ARHGAP12: variants seen among roughly 807,000 people sequenced by gnomAD.
ARHGAP12 encodes Rho GTPase activating protein 12.
ARHGAP12 carries 64 observed loss-of-function variants against 108.6 expected under a neutral mutation model. The ratio of observed to expected loss-of-function variants is 0.59; its 90% CI spans 0.48 to 0.73. The LOEUF (loss-of-function observed/expected upper bound fraction) is 0.73, where lower values mean the gene tolerates loss of function less well. ARHGAP12 is among the 30% of genes least tolerant of loss of function. The pLI, the probability that ARHGAP12 is intolerant of heterozygous loss-of-function variation, is 0.00. For synonymous variants in ARHGAP12, 312 were observed against 337.2 expected, an observed-to-expected ratio of 0.93 and a Z score of 0.82; for missense variants, 940 against 1,005.9, an observed-to-expected ratio of 0.93 and a Z score of 0.89.
At chr10:31,821,508 G>T (rs963570283) in intron 11 of ARHGAP12, among the ~76,000 whole-genome samples, 5 of 152,084 alleles carry the variant, frequency 3.3e-5, no homozygotes, top group Admixed American at 3.3e-4. Flanking sequence ...TTCCTACAGA[G>T]AATTTCATTT....
In ARHGAP12 at chr10:31,896,244, T is replaced by A. The variant is rs1047832825; in HGVS notation, c.684+11928A>T. Among the ~76,000 whole-genome samples the A allele has an allele frequency of 2.3e-4, 34 of 145,728 alleles. 1 individual carries two copies. Among genetic ancestry groups the A allele is most frequent in the African/African-American group, 7.3e-4 (29 of 39,592 alleles). ...CCAAGAACTTAAAGTATAATAAAAA[T>A]ATATATATAAATAAAATAAAATAAT... On this transcript the variant is annotated intron_variant, in intron 3 of 19. Coordinates refer to ENST00000344936, the MANE Select transcript of ARHGAP12 (RefSeq NM_018287.7).
chr10:31,871,958 C>T (rs1837557650), intron 3 of ARHGAP12, among the ~76,000 whole-genome samples: 1 of 152,262 alleles, frequency 6.6e-6, no homozygotes, highest in Non-Finnish European at 1.5e-5. Flanking sequence ...TCTTTCATGC[C>T]CTCACGCTCA....
chr10:31,873,649 T>C (rs1475098890), intron 3 of ARHGAP12, among the ~76,000 whole-genome samples: 2 of 152,260 alleles, frequency 1.3e-5, no homozygotes, highest in African/African-American at 4.8e-5. Context: ...TAGAAACAAA[T>C]GAATAAACCA....
In ARHGAP12 at chr10:31,891,872, T is replaced by C. The variant is rs557405342; in HGVS notation, c.684+16300A>G. On this transcript the variant is annotated intron_variant, in intron 3 of 19. Transcript: ENST00000344936. ...ATACCTCTTCTTCCAGCTGATCGAATTGGATACTAAAGCTTGTGCATTCGT... is the reference window on the plus strand; with the variant it reads ...ATACCTCTTCTTCCAGCTGATCGAACTGGATACTAAAGCTTGTGCATTCGT... 3.0e-4 allele frequency among the ~76,000 whole-genome samples: 46 copies of C among 152,350 alleles called. 1 individual carries two copies. The South Asian group carries it at 6.4e-3, about 21-fold the overall frequency.
intron 3 of ARHGAP12, among the ~76,000 whole-genome samples, chr10:31,882,095 T>G (rs924552083): frequency 6.6e-6 from 1 of 152,000 alleles, no homozygotes; most frequent in South Asian, 2.1e-4. Context: ...TTTGTATTTT[T>G]AGTAGAGACG....
intron 8 of ARHGAP12, 82 bp downstream of exon 8, chr10:31,839,555 A>G: frequency 1.5e-6 from 2 of 1,307,298 alleles, no homozygotes; most frequent in Non-Finnish European, 1.1e-6. Flanking sequence ...TCATTTAAAC[A>G]TTACATTAAG....
chr10:31,826,149 A>C (rs986646326), intron 11 of ARHGAP12, among the ~76,000 whole-genome samples, 155 bp downstream of exon 11: 9 of 152,160 alleles, frequency 5.9e-5, no homozygotes, highest in Non-Finnish European at 7.4e-5. Context: ...TTTTTCTCTC[A>C]TAAGTTAAAA....
intron 1 of ARHGAP12, among the ~76,000 whole-genome samples, chr10:31,927,250 C>A (rs1272855964): frequency 1.1e-4 from 5 of 46,128 alleles, no homozygotes; most frequent in African/African-American, 7.0e-4. Flanking sequence ...AGCCAAAATG[C>A]CTATTCAGAC....
At chr10:31,909,065 T>G (rs970595876) in intron 2 of ARHGAP12, 139 bp from the exon 3 acceptor site, 1 of 540,308 alleles carries the variant, frequency 1.9e-6, no homozygotes, top group Non-Finnish European at 3.2e-6. Flanking sequence ...AGCAAACATG[T>G]GTCTACTATC....
chr10:31,886,521 G>C (rs943021365), intron 3 of ARHGAP12, among the ~76,000 whole-genome samples: 1 of 152,022 alleles, frequency 6.6e-6, no homozygotes, highest in Non-Finnish European at 1.5e-5. Context: ...TCCAAGTACA[G>C]ATGTGATGGA....
At chr10:31,833,454 C>G (rs1030988271) in intron 9 of ARHGAP12, among the ~76,000 whole-genome samples, 5 of 151,984 alleles carry the variant, frequency 3.3e-5, no homozygotes, top group Non-Finnish European at 5.9e-5. Context: ...GAGTCTAGAT[C>G]AGGGATTCTC....
intron 12 of ARHGAP12, among the ~76,000 whole-genome samples, chr10:31,818,323 A>C (rs188765827): frequency 1.6e-4 from 25 of 152,360 alleles, no homozygotes; most frequent in Admixed American, 1.5e-3. Context: ...GAAAGAATAC[A>C]TAAAGACTTT....
At chr10:31,839,163 A>C in intron 9 of ARHGAP12, 142 bp downstream of exon 9, 1 of 795,378 alleles carries the variant, frequency 1.3e-6, no homozygotes, top group Non-Finnish European at 2.0e-6. Context: ...CAGAAGTCAC[A>C]TGGAGGTTTT....
At chr10:31,876,539 A>AACAAAT (rs1206391254) in intron 3 of ARHGAP12, among the ~76,000 whole-genome samples, 1 of 138,128 alleles carries the variant, frequency 7.2e-6, no homozygotes, top group African/African-American at 3.0e-5. Flanking sequence ...CAAAAACAAA[A>AACAAAT]AACCACCAAA....
chr10:31,860,215 C>A (rs889216838), intron 4 of ARHGAP12, among the ~76,000 whole-genome samples: 2 of 152,182 alleles, frequency 1.3e-5, no homozygotes, highest in Admixed American at 6.5e-5. Flanking sequence ...TTATTAACTA[C>A]AAAAAGCTTT....
At chr10:31,920,099 C>CT (rs1701398706) in intron 1 of ARHGAP12, among the ~76,000 whole-genome samples, 1 of 146,778 alleles carries the variant, frequency 6.8e-6, no homozygotes, top group African/African-American at 2.5e-5. Flanking sequence ...GAGCAAGACT[C>CT]TGTCTCAAAA....
In ARHGAP12 at chr10:31,841,011, C is replaced by G. The variant is rs369487797; in HGVS notation, c.1297-1300G>C. Among the ~76,000 whole-genome samples the G allele has an allele frequency of 1.3e-3, 192 of 152,076 alleles. 2 individuals carry two copies. In the Middle Eastern group the frequency reaches 0.014, roughly 11 times the overall value. Reference sequence around the variant, plus strand: ...AAACAGTATGAGAAAGATGGAAGATCTGATGATTCATAAAGTAGAAAATAA... The same window carrying G: ...AAACAGTATGAGAAAGATGGAAGATGTGATGATTCATAAAGTAGAAAATAA... On this transcript the variant is annotated intron_variant, in intron 7 of 19. Transcript: ENST00000344936.
chr10:31,855,242 A>C (rs2132290725), intron 4 of ARHGAP12, among the ~76,000 whole-genome samples: 1 of 152,254 alleles, frequency 6.6e-6, no homozygotes, highest in South Asian at 2.1e-4. Flanking sequence ...AAAATTTAGA[A>C]ACTTTTGATG....
chr10:31,898,948 G>A (rs754543548), intron 3 of ARHGAP12, among the ~76,000 whole-genome samples: 1 of 152,168 alleles, frequency 6.6e-6, no homozygotes, highest in Non-Finnish European at 1.5e-5. Flanking sequence ...TGCTCCAAAA[G>A]TGGCAGATGG....
Sources: gnomAD v4.1 joint callset for allele counts (sites outside exome capture counted in the v4.1 genomes callset) on GRCh38, gnomAD v4.1.1 for gene constraint, MANE v1.5 for transcripts, NCBI Gene and HGNC (gene_info 2026-07-23, HGNC 2026-07-21) for gene names.